GRID1: variants seen among roughly 807,000 people sequenced by gnomAD.
GRID1 encodes glutamate receptor ionotropic, delta-1.
Under a neutral mutation model 98.0 loss-of-function variants are expected in GRID1, and 28 were observed. The observed-to-expected ratio is 0.29, with a 90% CI of 0.21 to 0.39. GRID1 has a LOEUF of 0.39. Among genes scored for constraint, GRID1 ranks in the 10% least tolerant of loss-of-function variants. GRID1 has a pLI of 1.00. For missense variants in GRID1, 1,111 were observed against 1,340.5 expected (o/e 0.83, Z 2.67); for synonymous variants, 553 against 538.5 (o/e 1.03, Z -0.37).
At position 85,864,201 on chromosome 10, in the gene GRID1, C is replaced by A. The variant is rs117937661; in HGVS notation, c.951+4809G>T. On this transcript the variant is annotated intron_variant, in intron 6 of 15. Transcript: ENST00000327946. ...CTGACAGAGGGATCAGCGGGGAGGA[C>A]AAGTTGACACCCAGATGTCACAGCT... is the stretch of plus-strand genomic sequence containing the variant. Among the ~76,000 whole-genome samples, 149 of 152,318 alleles carry A rather than the reference C, an allele frequency of 9.8e-4. 3 individuals are homozygous for A. In the East Asian group the frequency reaches 0.022, roughly 23 times the overall value.
chr10:85,772,674 A>G (rs1842284517), intron 8 of GRID1, among the ~76,000 whole-genome samples: 1 of 152,226 alleles, frequency 6.6e-6, no homozygotes, highest in African/African-American at 2.4e-5. Flanking sequence ...ACAAACTACC[A>G]TCAGAGAATA....
At chr10:85,750,698 C>T (rs776974344) in intron 8 of GRID1, among the ~76,000 whole-genome samples, 4 of 152,124 alleles carry the variant, frequency 2.6e-5, no homozygotes, top group Non-Finnish European at 4.4e-5. Flanking sequence ...AAAAGCCTAA[C>T]AAATATATCT....
Position 85,916,365 on chromosome 10 carries a change from TC to T in GRID1, c.727-127del. On this transcript the variant is annotated intron_variant, in intron 4 of 15. Transcript: ENST00000327946. The surrounding 1 kb of genome is among the most constrained non-coding windows in gnomAD (Gnocchi z 4.0). ...AATATTTTCCTCACAAAACATGCCA[TC>T]CCCCTGGGGCCTGCTCTGGCTGCCT... 1 of 782,716 alleles carries T rather than the reference TC, an allele frequency of 1.3e-6. No homozygotes were observed. The highest frequency in any genetic ancestry group is 1.5e-5 in the South Asian group (1 of 66,122). 48.5% of individuals were successfully genotyped at this position (782,716 alleles called of 1,614,324 possible). A position where few individuals can be genotyped will look rare whatever the true frequency, so the allele number is the denominator to read the frequency against.
chr10:86,109,348 T>A (rs1844442109), intron 4 of GRID1, among the ~76,000 whole-genome samples: 1 of 152,104 alleles, frequency 6.6e-6, no homozygotes. Flanking sequence ...CCGCCCAGGG[T>A]GAACAAGGCT....
intron 2 of GRID1, among the ~76,000 whole-genome samples, chr10:86,246,421 C>CAG (rs1409729137): frequency 6.6e-6 from 1 of 152,314 alleles, no homozygotes; most frequent in Admixed American, 6.5e-5. Flanking sequence ...TGGCCACCAA[C>CAG]AGAAGGAACA....
intron 2 of GRID1, among the ~76,000 whole-genome samples, chr10:86,240,668 T>G (rs1846614283): frequency 6.6e-6 from 1 of 152,078 alleles, no homozygotes; most frequent in Non-Finnish European, 1.5e-5. Context: ...GACCAACTGC[T>G]CCCCTATGGA....
At chr10:85,818,068 C>G (rs993596853) in intron 8 of GRID1, among the ~76,000 whole-genome samples, 1 of 152,164 alleles carries the variant, frequency 6.6e-6, no homozygotes, top group Non-Finnish European at 1.5e-5. Context: ...AAATTTGGTT[C>G]TCACATGCAT....
chr10:85,736,017 GGGAGGGAA>G (rs530821751), intron 8 of GRID1, among the ~76,000 whole-genome samples: 153 of 141,220 alleles, frequency 1.1e-3, no homozygotes, highest in African/African-American at 4.0e-3. Flanking sequence ...GAAGGAGGGA[GGGAGGGAA>G]GGAGGGAAGT....
At chr10:86,013,832 T>C (rs1255081868) in intron 4 of GRID1, among the ~76,000 whole-genome samples, 1 of 152,178 alleles carries the variant, frequency 6.6e-6, no homozygotes, top group Non-Finnish European at 1.5e-5. Flanking sequence ...GTATATATGG[T>C]AGAAAATAAC....
At chr10:85,859,414 CGGATGGATGGAT>C (rs968395133) in intron 6 of GRID1, among the ~76,000 whole-genome samples, 2 of 149,898 alleles carry the variant, frequency 1.3e-5, no homozygotes, top group African/African-American at 4.9e-5. Context: ...GATGGATGGA[CGGATGGATGGAT>C]GGATGGATGC....
chr10:86,092,051 C>A (rs1308392018), intron 4 of GRID1, among the ~76,000 whole-genome samples: 1 of 152,102 alleles, frequency 6.6e-6, no homozygotes, highest in East Asian at 1.9e-4. Context: ...GAAGACCAAC[C>A]CTGGTAAATG....
chr10:85,956,991 A>G (rs916511707), intron 4 of GRID1, among the ~76,000 whole-genome samples: 1 of 152,242 alleles, frequency 6.6e-6, no homozygotes, highest in African/African-American at 2.4e-5. Flanking sequence ...TGGAAGGGGA[A>G]GCAAACACAT....
chr10:86,113,422 A>G (rs934499146), intron 4 of GRID1, among the ~76,000 whole-genome samples: 1 of 152,196 alleles, frequency 6.6e-6, no homozygotes, highest in Non-Finnish European at 1.5e-5. Flanking sequence ...GGTCTCCCTT[A>G]CAAAAGCAAA....
At chr10:85,691,795 C>G (rs1841335843) in intron 12 of GRID1, among the ~76,000 whole-genome samples, 1 of 152,206 alleles carries the variant, frequency 6.6e-6, no homozygotes, top group South Asian at 2.1e-4. Flanking sequence ...ATGTGCCATA[C>G]ATATTCTGGC....
chr10:86,056,669 T>C (rs932453477), intron 4 of GRID1, among the ~76,000 whole-genome samples: 21 of 152,224 alleles, frequency 1.4e-4, no homozygotes, highest in African/African-American at 4.1e-4. Flanking sequence ...ACCAGCATCA[T>C]TGAGGCAGCA....
rs78661505 is a variant in GRID1, at chr10:85,866,856, A to G, written c.951+2154T>C. 3.6e-3 allele frequency among the ~76,000 whole-genome samples: 542 copies of G among 152,314 alleles called. 2 individuals are homozygous for G. Among genetic ancestry groups the G allele is most frequent in the African/African-American group, 0.012 (503 of 41,576 alleles). On this transcript the variant is annotated intron_variant, in intron 6 of 15. Transcript: ENST00000327946. ...CTCTTTTACTGTTGCTGCTATTACT[A>G]CAAGATTCCTGTAGTGTTGCACTTC...
chr10:86,346,683 G>A (rs1158361258), intron 2 of GRID1, among the ~76,000 whole-genome samples: 1 of 152,200 alleles, frequency 6.6e-6, no homozygotes, highest in African/African-American at 2.4e-5. Flanking sequence ...CCAGCTTCCC[G>A]AAGTCCACGG....
intron 2 of GRID1, among the ~76,000 whole-genome samples, chr10:86,295,870 T>A (rs1424882638): frequency 6.6e-6 from 1 of 152,134 alleles, no homozygotes; most frequent in Non-Finnish European, 1.5e-5. Context: ...ACCAACAAGA[T>A]CTAGAAAGCA....
At chr10:86,073,399 A>AG (rs1472733967) in intron 4 of GRID1, among the ~76,000 whole-genome samples, 11 of 152,156 alleles carry the variant, frequency 7.2e-5, no homozygotes, top group African/African-American at 2.7e-4. Context: ...GTGCTGGGAG[A>AG]GTAGCCATCG....
Sources: gnomAD v4.1 joint callset for allele counts (sites outside exome capture counted in the v4.1 genomes callset) on GRCh38, gnomAD v4.1.1 for gene constraint, Gnocchi (gnomAD v3.1) non-coding constraint, MANE v1.5 for transcripts, NCBI Gene and HGNC (gene_info 2026-07-23, HGNC 2026-07-21) for gene names.